JAKMIP2: variants seen among roughly 807,000 people sequenced by gnomAD.
JAKMIP2 encodes janus kinase and microtubule-interacting protein 2.
Under a neutral mutation model 115.0 loss-of-function variants are expected in JAKMIP2, and 25 were observed. The observed-to-expected ratio is 0.22, with a 90% CI of 0.16 to 0.30. The LOEUF (loss-of-function observed/expected upper bound fraction) is 0.30. JAKMIP2 is among the 10% of genes least tolerant of loss of function. JAKMIP2 has a pLI of 1.00. For synonymous variants in JAKMIP2, 334 were observed against 343.6 expected (o/e 0.97, Z 0.31); for missense variants, 642 against 957.6 (o/e 0.67, Z 4.35).
At chr5:147,641,925 T>C (rs1289870030) in intron 7 of JAKMIP2, among the ~76,000 whole-genome samples, 161 bp from the exon 8 acceptor site, 1 of 152,204 alleles carries the variant, frequency 6.6e-6, no homozygotes, top group Non-Finnish European at 1.5e-5. Flanking sequence ...TACTTAAATA[T>C]ATTCAAAACA....
intron 1 of JAKMIP2, among the ~76,000 whole-genome samples, chr5:147,710,697 TG>T (rs1752744103): frequency 6.6e-6 from 1 of 152,228 alleles, no homozygotes; most frequent in Non-Finnish European, 1.5e-5. Context: ...TCAATACCAA[TG>T]TTTTAATGGC....
intron 4 of JAKMIP2, 84 bp downstream of exon 4, chr5:147,650,254 A>C: frequency 4.6e-6 from 4 of 862,828 alleles, no homozygotes; most frequent in Non-Finnish European, 7.8e-6. Flanking sequence ...AGTAAACAAG[A>C]AAAGAGCTTA....
intron 1 of JAKMIP2, among the ~76,000 whole-genome samples, chr5:147,745,074 A>G (rs1210043260): frequency 6.6e-6 from 1 of 151,290 alleles, no homozygotes; most frequent in East Asian, 1.9e-4. Flanking sequence ...AAAAAAAAAA[A>G]AGGAAATAAG....
chr5:147,759,691 T>G lies in JAKMIP2; in HGVS notation c.-149+22765A>C, dbSNP rs4705193. ...GAATGACAAGAAGCAGCTAACCTAA[T>G]AAGGTAAGGAGAAGTGCAAGTCAAG... On this transcript the variant is annotated intron_variant, in intron 1 of 21. Coordinates refer to ENST00000616793, the MANE Select transcript of JAKMIP2 (RefSeq NM_001270941.2). Among the ~76,000 whole-genome samples, 842 of 152,098 alleles carry G rather than the reference T, an allele frequency of 5.5e-3. 22 individuals carry two copies. Among genetic ancestry groups the G allele is most frequent in the Admixed American group, 0.05 (760 of 15,272 alleles).
chr5:147,623,833 CTTGT>C lies in JAKMIP2; in HGVS notation c.1996-148_1996-145del, dbSNP rs368068989. 1.7e-4 allele frequency: 92 copies of C among 534,266 alleles called. 1 individual carries two copies. Among genetic ancestry groups the C allele is most frequent in the African/African-American group, 3.6e-4 (18 of 50,530 alleles). 33.1% of individuals were successfully genotyped at this position (534,266 alleles called of 1,614,324 possible). ...GAAGCAAAAACAACACCTTTTTTTG[CTTGT>C]TTGTTTGTTTTGTTTTTGAAACGGA... On this transcript the variant is annotated intron_variant, in intron 16 of 21. Transcript: ENST00000616793.
intron 1 of JAKMIP2, among the ~76,000 whole-genome samples, chr5:147,752,033 G>A (rs1256794679): frequency 6.6e-6 from 1 of 152,136 alleles, no homozygotes; most frequent in East Asian, 1.9e-4. Context: ...ACTTTCTGAT[G>A]ATGGGGAGTA....
chr5:147,655,465 T>G (rs1440382404), intron 3 of JAKMIP2, among the ~76,000 whole-genome samples: 1 of 152,222 alleles, frequency 6.6e-6, no homozygotes, highest in Non-Finnish European at 1.5e-5. Context: ...CCATTTCTTC[T>G]AGATTTTCTA....
At chr5:147,596,498 T>A (rs1755396367) in intron 21 of JAKMIP2, among the ~76,000 whole-genome samples, 1 of 152,244 alleles carries the variant, frequency 6.6e-6, no homozygotes, top group African/African-American at 2.4e-5. Context: ...ATATGAGTTA[T>A]CTTTGAAAGA....
intron 1 of JAKMIP2, among the ~76,000 whole-genome samples, chr5:147,687,552 G>A (rs545082765): frequency 4.1e-4 from 63 of 152,298 alleles, no homozygotes; most frequent in African/African-American, 1.5e-3. Context: ...TAAATATTAT[G>A]TAAGAAAATT....
intron 1 of JAKMIP2, 144 bp downstream of exon 1, chr5:147,782,312 C>G (rs1272643567): frequency 1.2e-6 from 1 of 804,670 alleles, no homozygotes; most frequent in Non-Finnish European, 2.1e-6. Context: ...GCTTCCTCTC[C>G]CTCCATCCTC....
intron 1 of JAKMIP2, among the ~76,000 whole-genome samples, chr5:147,709,489 A>G (rs1752701294): frequency 6.6e-6 from 1 of 152,238 alleles, no homozygotes; most frequent in Non-Finnish European, 1.5e-5. Flanking sequence ...ATATTTAAAA[A>G]ATGGAATTAA....
rs543509020 is a variant in JAKMIP2, at chr5:147,676,261, G to C, written c.-148-4307C>G. ...TGAGGCAGGAGAATGGCGTGAACCC[G>C]GGAGGCGGAGCTTGCAGTGAGCCAA... On this transcript the variant is annotated intron_variant, in intron 1 of 21. Transcript: ENST00000616793. Among the ~76,000 whole-genome samples, 5 of 152,310 alleles carry C rather than the reference G, an allele frequency of 3.3e-5. No individual in the cohort carries two copies. The South Asian group carries it at 1.0e-3, about 32-fold the overall frequency.
intron 1 of JAKMIP2, among the ~76,000 whole-genome samples, chr5:147,761,507 A>G (rs931870569): frequency 1.3e-5 from 2 of 152,114 alleles, no homozygotes; most frequent in Admixed American, 6.6e-5. Flanking sequence ...CCTTGCCCTT[A>G]ACCTCTCCAC....
At chr5:147,744,857 A>G (rs973137268) in intron 1 of JAKMIP2, among the ~76,000 whole-genome samples, 1 of 152,026 alleles carries the variant, frequency 6.6e-6, no homozygotes, top group Non-Finnish European at 1.5e-5. Flanking sequence ...CAAGAGATTG[A>G]GACCATCCTG....
intron 1 of JAKMIP2, among the ~76,000 whole-genome samples, chr5:147,770,948 G>A (rs1193887127): frequency 6.6e-6 from 1 of 152,056 alleles, no homozygotes; most frequent in Non-Finnish European, 1.5e-5. Context: ...GTTTATTTTA[G>A]GACTGGGATT....
intron 11 of JAKMIP2, 73 bp downstream of exon 11, chr5:147,636,892 T>A: frequency 1.2e-6 from 1 of 859,260 alleles, no homozygotes; most frequent in Non-Finnish European, 2.0e-6. Context: ...GTGCGGCCCA[T>A]GCACAGGTGA....
intron 3 of JAKMIP2, among the ~76,000 whole-genome samples, chr5:147,657,685 G>C (rs987705017): frequency 1.1e-4 from 17 of 151,970 alleles, no homozygotes; most frequent in Non-Finnish European, 2.4e-4. Context: ...ATATTTCTTG[G>C]AGGCTCTGTT....
chr5:147,673,337 G>A (rs1355123070), intron 1 of JAKMIP2, among the ~76,000 whole-genome samples: 1 of 152,210 alleles, frequency 6.6e-6, no homozygotes, highest in Non-Finnish European at 1.5e-5. Flanking sequence ...TGGGCATTGT[G>A]TATGTTGAGG....
chr5:147,767,859 G>A (rs1755208595), intron 1 of JAKMIP2, among the ~76,000 whole-genome samples: 2 of 152,086 alleles, frequency 1.3e-5, no homozygotes, highest in South Asian at 4.1e-4. Flanking sequence ...TTTTCTAATA[G>A]TTACTAAGTG....
Sources: gnomAD v4.1 joint callset for allele counts (sites outside exome capture counted in the v4.1 genomes callset) on GRCh38, gnomAD v4.1.1 for gene constraint, MANE v1.5 for transcripts, NCBI Gene and HGNC (gene_info 2026-07-23, HGNC 2026-07-21) for gene names.